Variants in TNS1 observed in about 807,000 individuals in gnomAD.
The protein encoded by TNS1 is tensin-1.
A neutral mutation model predicts 168.6 loss-of-function variants in TNS1; 62 were observed. That is an observed-to-expected ratio of 0.37 (90% CI 0.30 to 0.45). TNS1 has a LOEUF of 0.45. Ranked by LOEUF, TNS1 falls within the 20% of genes least tolerant of loss-of-function variation. The pLI, the probability that TNS1 is intolerant of heterozygous loss-of-function variation, is 1.00. For synonymous variants in TNS1, 934 were observed against 933.2 expected, an observed-to-expected ratio of 1.00 and a Z score of -0.02; for missense variants, 2,240 against 2,339.4, an observed-to-expected ratio of 0.96 and a Z score of 0.88.
chr2:217,943,676 G>A (rs1269679912), intron 3 of TNS1, among the ~76,000 whole-genome samples: 5 of 152,202 alleles, frequency 3.3e-5, no homozygotes, highest in Admixed American at 6.5e-5. Flanking sequence ...CCTCTGAACA[G>A]CTTGCCTGAC....
At chr2:218,013,498 G>A (rs1317098322), upstream of TNS1, among the ~76,000 whole-genome samples, 1 of 152,180 alleles carries the variant, frequency 6.6e-6, no homozygotes, top group African/African-American at 2.4e-5. Flanking sequence ...TCTCTCTGCA[G>A]CCCCCATGTG....
At chr2:217,815,953 C>T (rs780845005) in intron 24 of TNS1, among the ~76,000 whole-genome samples, 14 of 152,138 alleles carry the variant, frequency 9.2e-5, no homozygotes, top group South Asian at 2.1e-4. Context: ...ATGTCAGGCA[C>T]CCCACTTCTC....
chr2:217,895,077 A>G, intron 8 of TNS1, 21 bp from the exon 9 acceptor site: 1 of 1,605,992 alleles, frequency 6.2e-7, no homozygotes, highest in Non-Finnish European at 8.5e-7. Flanking sequence ...CAAAAGGAAG[A>G]GAGCATGAGG....
Position 217,995,971 on chromosome 2 carries a change from G to A in TNS1, c.34-4915C>T, listed in dbSNP as rs2042825. 0.21 allele frequency among the ~76,000 whole-genome samples: 31,456 copies of A among 152,108 alleles called. 3,481 individuals carry two copies. The highest frequency in any genetic ancestry group is 0.25 in the African/African-American group (10,511 of 41,512). On this transcript the variant is annotated intron_variant, in intron 1 of 32. Coordinates refer to ENST00000682258, the MANE Select transcript of TNS1 (RefSeq NM_001387777.1). The surrounding 1 kb of genome is among the most constrained non-coding windows in gnomAD (Gnocchi z 4.1). Reference sequence around the variant, plus strand: ...TCCATGCAGCCCAGCTTTCCTGCCCGGGCCGCTCAGCCAGAGGGGTGTGGC... The same window carrying A: ...TCCATGCAGCCCAGCTTTCCTGCCCAGGCCGCTCAGCCAGAGGGGTGTGGC...
At chr2:217,922,059 G>A (rs755841421) in intron 3 of TNS1, among the ~76,000 whole-genome samples, 7 of 152,178 alleles carry the variant, frequency 4.6e-5, no homozygotes, top group Non-Finnish European at 1.0e-4. Context: ...CCAGAAGCCC[G>A]GGGTCCTTAA....
chr2:217,871,856 G>A (rs1314656693), intron 18 of TNS1, among the ~76,000 whole-genome samples: 2 of 152,204 alleles, frequency 1.3e-5, no homozygotes, highest in South Asian at 2.1e-4. Context: ...TCTGAAACTC[G>A]GCCTCCCTCT....
chr2:217,864,976 G>A (rs750002985), intron 18 of TNS1, among the ~76,000 whole-genome samples: 1 of 152,114 alleles, frequency 6.6e-6, no homozygotes, highest in Non-Finnish European at 1.5e-5. Flanking sequence ...GTGCAGAGGA[G>A]CCCATGTGGT....
At chr2:217,936,862 C>A (rs77385765) in intron 3 of TNS1, 1 of 448,288 alleles carries the variant, frequency 2.2e-6, no homozygotes, top group Non-Finnish European at 4.5e-6. Flanking sequence ...TTCATACCCA[C>A]GCTAGCACTA....
intron 3 of TNS1, chr2:217,936,952 C>A: frequency 2.2e-6 from 1 of 456,772 alleles, no homozygotes; most frequent in South Asian, 1.5e-5. Flanking sequence ...GGAGGGAGAC[C>A]CACGCTTGTT....
intron 3 of TNS1, among the ~76,000 whole-genome samples, chr2:217,946,017 A>T (rs2125959867): frequency 6.6e-6 from 1 of 152,288 alleles, no homozygotes; most frequent in South Asian, 2.1e-4. Context: ...CATCCGTATT[A>T]TCCCAACGGA....
upstream of TNS1, among the ~76,000 whole-genome samples, chr2:218,003,718 G>A (rs995418546): frequency 3.0e-4 from 46 of 151,768 alleles, no homozygotes; most frequent in Non-Finnish European, 5.2e-4. Flanking sequence ...AGGCTCCCGC[G>A]AGAGTGTGTT....
At chr2:217,991,109 G>C in intron 1 of TNS1, 53 bp from the exon 2 acceptor site, 1 of 559,618 alleles carries the variant, frequency 1.8e-6, no homozygotes, top group Non-Finnish European at 3.3e-6. Context: ...GGGGTCCTGG[G>C]GAAGGAGTAG....
At chr2:217,829,051 C>T (rs377730419) in intron 22 of TNS1, among the ~76,000 whole-genome samples, 1 of 152,258 alleles carries the variant, frequency 6.6e-6, no homozygotes, top group South Asian at 2.1e-4. Flanking sequence ...TGCTAATCCT[C>T]CTACAGTGCA....
In TNS1 at chr2:217,841,706, C is replaced by T. The variant is rs187801766; in HGVS notation, c.3008-5495G>A. Among the ~76,000 whole-genome samples the T allele has an allele frequency of 2.1e-3, 324 of 152,204 alleles. 1 individual carries two copies. The highest frequency in any genetic ancestry group is 3.1e-3 in the Non-Finnish European group (212 of 67,984). ...CTGCTCCCATAGGCAGCAGGCCTGT[C>T]CCTGGACCACCCATCTTTTCCTGGG... On this transcript the variant is annotated intron_variant, in intron 19 of 32. Transcript: ENST00000682258.
chr2:217,808,141 C>T (rs1463618123), intron 31 of TNS1, 34 bp from the exon 32 acceptor site: 5 of 1,610,730 alleles, frequency 3.1e-6, no homozygotes, highest in African/African-American at 2.7e-5. Context: ...GGTAAATCAT[C>T]GTACTTTCTC....
chr2:217,989,517 G>A (rs1447280020), intron 2 of TNS1, among the ~76,000 whole-genome samples: 2 of 152,132 alleles, frequency 1.3e-5, no homozygotes, highest in Admixed American at 1.3e-4. Context: ...GGGCAACGGG[G>A]TGAGTGAAGG....
chr2:217,810,978 A>G (rs937456576), intron 28 of TNS1, among the ~76,000 whole-genome samples: 1 of 151,514 alleles, frequency 6.6e-6, no homozygotes, highest in African/African-American at 2.4e-5. Context: ...CCCATGCTCT[A>G]GCAGATTATC....
chr2:217,861,827 C>T (rs765213594), intron 18 of TNS1, among the ~76,000 whole-genome samples: 12 of 152,008 alleles, frequency 7.9e-5, no homozygotes, highest in Non-Finnish European at 1.6e-4. Context: ...TGGGCTTCCC[C>T]GTCTCCCTTC....
Position 217,879,626 on chromosome 2 carries a change from C to T in TNS1, c.1429+1272G>A, listed in dbSNP as rs1413136579. ...AGTGAGTCCCCAAATTCTAGTCCAA[C>T]CACCCTCCCTCATCCCACTTCTCTC... On this transcript the variant is annotated intron_variant, in intron 18 of 32. Coordinates refer to ENST00000682258, the MANE Select transcript of TNS1 (RefSeq NM_001387777.1). 4 of 278,390 alleles carry T rather than the reference C, an allele frequency of 1.4e-5. No individual in the cohort carries two copies. The East Asian group carries it at 6.0e-4, about 42-fold the overall frequency. The allele number at this position is 278,390 out of a possible 1,614,324, so 17.2% of individuals were successfully genotyped here.
Sources: allele counts gnomAD v4.1 joint callset (sites outside exome capture counted in the v4.1 genomes callset), GRCh38; gene constraint gnomAD v4.1.1; non-coding constraint Gnocchi (gnomAD v3.1); transcripts MANE v1.5; gene names NCBI Gene and HGNC (gene_info 2026-07-23, HGNC 2026-07-21).